BMP2K: variants seen among roughly 807,000 people sequenced by gnomAD.
BMP2K encodes the protein BMP2 inducible kinase, also known as BMP-2-inducible protein kinase.
A neutral mutation model predicts 116.0 loss-of-function variants in BMP2K; 74 were observed. That is an observed-to-expected ratio of 0.64 (90% CI 0.53 to 0.77). The LOEUF is 0.77. BMP2K is among the 30% of genes least tolerant of loss of function. BMP2K has a pLI of 0.00. For missense variants in BMP2K, 1,365 were observed against 1,403.6 expected (o/e 0.97, Z 0.44); for synonymous variants, 486 against 502.5 (o/e 0.97, Z 0.44).
At chr4:78,887,560 T>TA (rs1454634213) in intron 15 of BMP2K, among the ~76,000 whole-genome samples, 3 of 152,188 alleles carry the variant, frequency 2.0e-5, no homozygotes, top group African/African-American at 7.2e-5. Context: ...AAAAAATATT[T>TA]AAAGATATTT....
chr4:78,835,589 A>G (rs1023731459), intron 3 of BMP2K, among the ~76,000 whole-genome samples: 6 of 147,530 alleles, frequency 4.1e-5, no homozygotes, highest in Non-Finnish European at 8.9e-5. Flanking sequence ...AGATCGCGCC[A>G]CTGCACTCCA....
At chr4:78,879,488 A>G (rs1458004102) in intron 14 of BMP2K, 5 of 892,294 alleles carry the variant, frequency 5.6e-6, no homozygotes, top group Non-Finnish European at 5.4e-6. Flanking sequence ...TGAACTACCT[A>G]ATATATGTCA....
chr4:78,871,094 T>A, intron 11 of BMP2K, 34 bp downstream of exon 11: 1 of 1,591,946 alleles, frequency 6.3e-7, no homozygotes, highest in Non-Finnish European at 8.5e-7. Flanking sequence ...ATGGAAGTAG[T>A]GTGAAATTGA....
intron 13 of BMP2K, among the ~76,000 whole-genome samples, chr4:78,873,606 A>C (rs1732476860): frequency 6.6e-6 from 1 of 152,000 alleles, no homozygotes; most frequent in Non-Finnish European, 1.5e-5. Flanking sequence ...TGTACACTGC[A>C]TCTCAAAAGA....
Position 78,915,506 on chromosome 4 carries a change from CA to C in BMP2K, c.*3475del, listed in dbSNP as rs1294891674. ...TTTAGCAAACTTGTTATTTTAGGTC[CA>C]ATTATTGAGTTGACAGTCTACTGTG... On this transcript the variant is annotated 3_prime_UTR_variant, in exon 16 of 16. Coordinates refer to ENST00000502613, the MANE Select transcript of BMP2K (RefSeq NM_198892.2). 6.6e-6 allele frequency: 1 copy of C among 151,328 alleles called. No individual in the cohort carries two copies. The highest frequency in any genetic ancestry group is 2.4e-5 in the African/African-American group (1 of 41,170). The allele number at this position is 151,328 out of a possible 1,614,324, so 9.4% of individuals were successfully genotyped here. A position where few individuals can be genotyped will look rare whatever the true frequency, so the allele number is the denominator to read the frequency against.
intron 1 of BMP2K, among the ~76,000 whole-genome samples, chr4:78,800,254 G>T (rs755917438): frequency 2.6e-5 from 4 of 152,136 alleles, no homozygotes; most frequent in Non-Finnish European, 5.9e-5. Context: ...TTTCTCAGTA[G>T]TCCTATCCTC....
In BMP2K at chr4:78,776,407, C is replaced by T. The variant is rs1260971894; in HGVS notation, c.-137C>T. ...GCCCAGGCTGTGCGCTTGGGGAGCG[C>T]GGAATGTGAGGCTTGGCGGGCCGCA... On this transcript the variant is annotated 5_prime_UTR_variant, in exon 1 of 16. Coordinates refer to ENST00000502613, the MANE Select transcript of BMP2K (RefSeq NM_198892.2). 24 of 889,314 alleles carry T rather than the reference C, an allele frequency of 2.7e-5. No individual in the cohort carries two copies. In the East Asian group the frequency reaches 1.2e-3, roughly 46 times the overall value. 55.1% of individuals were successfully genotyped at this position (889,314 alleles called of 1,614,324 possible). A position where few individuals can be genotyped will look rare whatever the true frequency, so the allele number is the denominator to read the frequency against.
chr4:78,831,011 C>T (rs770737186), intron 2 of BMP2K, among the ~76,000 whole-genome samples: 9 of 152,174 alleles, frequency 5.9e-5, no homozygotes, highest in Non-Finnish European at 1.2e-4. Flanking sequence ...TTAGATGTCG[C>T]GCTTCTTTGG....
In BMP2K at chr4:78,776,530, T is replaced by G. The variant is rs1727243437; in HGVS notation, c.-14T>G. 8.8e-7 allele frequency: 1 copy of G among 1,133,964 alleles called. No homozygotes were observed. Among genetic ancestry groups the G allele is most frequent in the African/African-American group, 1.7e-5 (1 of 60,286 alleles). The allele number at this position is 1,133,964 out of a possible 1,614,324, so 70.2% of individuals were successfully genotyped here. On this transcript the variant is annotated 5_prime_UTR_variant, in exon 1 of 16. Coordinates refer to ENST00000502613, the MANE Select transcript of BMP2K (RefSeq NM_198892.2). ...TTGCACGCTCCCTGCGCCCTCCAGCTCGCCGGCGGGACCATGAAGAAGTTC... is the reference window on the plus strand; with the variant it reads ...TTGCACGCTCCCTGCGCCCTCCAGCGCGCCGGCGGGACCATGAAGAAGTTC...
intron 2 of BMP2K, among the ~76,000 whole-genome samples, chr4:78,829,799 TCTCTTCTCTTCTC>T (rs1560518775): frequency 0.01 from 1,345 of 129,810 alleles, 9 homozygotes; most frequent in African/African-American, 0.04. Flanking sequence ...TCTCTTCTCT[TCTCTTCTCTTCTC>T]TTCTCTTCTC....
intron 1 of BMP2K, among the ~76,000 whole-genome samples, chr4:78,824,435 G>A (rs1398515543): frequency 1.3e-5 from 2 of 152,192 alleles, no homozygotes; most frequent in Non-Finnish European, 2.9e-5. Context: ...TGGCAGGCAA[G>A]AGAGCTTATG....
chr4:78,865,412 A>C (rs1191120297), intron 9 of BMP2K, 145 bp from the exon 10 acceptor site: 2 of 759,290 alleles, frequency 2.6e-6, no homozygotes. Flanking sequence ...TTAATACTTG[A>C]AAATGAGCCT....
intron 14 of BMP2K, among the ~76,000 whole-genome samples, chr4:78,881,255 T>C (rs1577954727): frequency 6.6e-6 from 1 of 152,326 alleles, no homozygotes; most frequent in South Asian, 2.1e-4. Context: ...ACTTAAGAGG[T>C]TTTTGGCTTT....
chr4:78,822,139 T>A (rs2109991968), intron 1 of BMP2K, among the ~76,000 whole-genome samples: 1 of 152,300 alleles, frequency 6.6e-6, no homozygotes, highest in South Asian at 2.1e-4. Flanking sequence ...TTGAGAGATA[T>A]CCTGGGTGGG....
chr4:78,778,159 G>A (rs1727336336), intron 1 of BMP2K, among the ~76,000 whole-genome samples: 1 of 152,112 alleles, frequency 6.6e-6, no homozygotes, highest in African/African-American at 2.4e-5. Flanking sequence ...AATGTAGCTT[G>A]AGTAGTGTTA....
chr4:78,893,992 T>C (rs1281943431), intron 15 of BMP2K, among the ~76,000 whole-genome samples: 1 of 152,224 alleles, frequency 6.6e-6, no homozygotes, highest in Admixed American at 6.5e-5. Context: ...ACAGGTGCAT[T>C]GTCAATGAGC....
intron 1 of BMP2K, among the ~76,000 whole-genome samples, chr4:78,808,265 C>CTTT (rs532312072): frequency 3.7e-5 from 4 of 109,370 alleles, no homozygotes; most frequent in Non-Finnish European, 5.7e-5. Context: ...ATCTTGCTTC[C>CTTT]TTTTTTTTTT....
At chr4:78,813,986 TA>T (rs951422499) in intron 1 of BMP2K, among the ~76,000 whole-genome samples, 1 of 152,224 alleles carries the variant, frequency 6.6e-6, no homozygotes, top group Admixed American at 6.5e-5. Context: ...GTTGAATGAA[TA>T]AATGAATTAC....
chr4:78,910,029 A>G (rs914095431), intron 15 of BMP2K, among the ~76,000 whole-genome samples: 9 of 152,216 alleles, frequency 5.9e-5, no homozygotes, highest in African/African-American at 1.7e-4. Flanking sequence ...GAGAAGGCAG[A>G]TGTTTTTGGT....
Sources: gnomAD v4.1 joint callset for allele counts (sites outside exome capture counted in the v4.1 genomes callset) on GRCh38, gnomAD v4.1.1 for gene constraint, MANE v1.5 for transcripts, NCBI Gene and HGNC (gene_info 2026-07-23, HGNC 2026-07-21) for gene names.